The following SYCP2 variants were observed in gnomAD, a reference collection of about 807,000 sequenced individuals.
SYCP2 encodes synaptonemal complex lateral element protein.
Under a neutral mutation model 211.3 loss-of-function variants are expected in SYCP2, and 55 were observed. The observed-to-expected ratio is 0.26, with a 90% confidence interval of 0.21 to 0.33. The LOEUF is 0.33. SYCP2 is among the 10% of genes least tolerant of loss of function. The pLI is 1.00. For synonymous variants in SYCP2, 570 were observed against 555.2 expected (o/e 1.03, Z -0.37); for missense variants, 1,731 against 1,752.0 (o/e 0.99, Z 0.21).
intron 37 of SYCP2, 45 bp downstream of exon 37, chr20:59,868,790 C>A: frequency 6.8e-7 from 1 of 1,480,730 alleles, no homozygotes; most frequent in South Asian, 1.2e-5. Context: ...TGTCACGTAG[C>A]ATTTCAGTAA....
chr20:59,865,425 T>C lies in SYCP2; in HGVS notation c.4478A>G (p.Asp1493Gly), dbSNP rs1258531152. 6.2e-7 allele frequency: 1 copy of C among 1,610,160 alleles called. No individual in the cohort carries two copies. Among genetic ancestry groups the C allele is most frequent in the Non-Finnish European group, 8.5e-7 (1 of 1,178,172 alleles). ...AAGCCTGTCTTGCAGCACTTTCATATCTTCTTTCATCAAACACATCTGTAA... is the reference window on the plus strand; with the variant it reads ...AAGCCTGTCTTGCAGCACTTTCATACCTTCTTTCATCAAACACATCTGTAA... ...FTSEMCLMKE[D>G]MKVLQDRLLK... The change falls in exon 44 of 45, where the codon GAT (aspartate) becomes GGT (glycine). Residue 1493 changes from aspartate (D) to glycine (G), a missense_variant. By Grantham distance (94) the Asp-to-Gly change is moderately conservative (BLOSUM62 -1). Coordinates refer to ENST00000357552, the MANE Select transcript of SYCP2 (RefSeq NM_014258.4).
At chr20:59,866,713 A>C (rs1386043299) in intron 39 of SYCP2, 124 bp from the exon 40 acceptor site, 1 of 672,048 alleles carries the variant, frequency 1.5e-6, no homozygotes, top group Non-Finnish European at 2.4e-6. Context: ...AAAAGTGAAA[A>C]ATTAAAAACT....
At chr20:59,900,079 T>A (rs745384197) in intron 18 of SYCP2, 59 bp downstream of exon 18, 1 of 1,533,688 alleles carries the variant, frequency 6.5e-7, no homozygotes, top group Non-Finnish European at 9.0e-7. Flanking sequence ...AGTACTCATA[T>A]ATAACAGTGA....
intron 31 of SYCP2, among the ~76,000 whole-genome samples, chr20:59,878,398 T>C (rs1050881099): frequency 2.0e-5 from 3 of 152,178 alleles, no homozygotes; most frequent in African/African-American, 7.2e-5. Context: ...TTGATAACTT[T>C]TACTGTAAAG....
chr20:59,911,912 T>C (rs2060337222), intron 13 of SYCP2, 67 bp from the exon 14 acceptor site: 3 of 714,898 alleles, frequency 4.2e-6, no homozygotes, highest in Non-Finnish European at 6.6e-6. Flanking sequence ...ATTATGATGT[T>C]ATATTCATGG....
At position 59,866,406 on chromosome 20, in the gene SYCP2, A is replaced by G; in HGVS notation, c.4221-14T>C. 6.4e-7 allele frequency: 1 copy of G among 1,563,668 alleles called. No homozygotes were observed. The stretch of plus-strand genomic sequence containing the variant: ...AGTTTTTTAATCCTATTACAGAAAC[A>G]AAATGAGATTAATTTTAAAAACTGT... On this transcript the variant is annotated splice_polypyrimidine_tract_variant and intron_variant, in intron 40 of 44. Transcript: ENST00000357552.
intron 24 of SYCP2, among the ~76,000 whole-genome samples, chr20:59,890,557 AATAGGTAG>A (rs1158248772): frequency 6.6e-6 from 1 of 151,058 alleles, no homozygotes; most frequent in Non-Finnish European, 1.5e-5. Flanking sequence ...TAAATAAATA[AATAGGTAG>A]ATAGGTAGGT....
intron 7 of SYCP2, among the ~76,000 whole-genome samples, chr20:59,918,635 T>C (rs1356291365): frequency 6.6e-6 from 1 of 152,170 alleles, no homozygotes; most frequent in African/African-American, 2.4e-5. Context: ...TTTCAAGTGA[T>C]GAACACGCTC....
intron 14 of SYCP2, among the ~76,000 whole-genome samples, chr20:59,908,990 T>C (rs971838953): frequency 6.6e-6 from 1 of 152,228 alleles, no homozygotes; most frequent in Admixed American, 6.5e-5. Flanking sequence ...TAAGTGAAAC[T>C]GCTCTTTCAT....
At chr20:59,915,990 C>CA (rs1188042422) in intron 8 of SYCP2, among the ~76,000 whole-genome samples, 1 of 151,214 alleles carries the variant, frequency 6.6e-6, no homozygotes, top group Non-Finnish European at 1.5e-5. Flanking sequence ...AAGACTCTCT[C>CA]AAAAAAATAA....
chr20:59,898,136 G>T (rs1417491809), intron 18 of SYCP2, among the ~76,000 whole-genome samples: 1 of 151,942 alleles, frequency 6.6e-6, no homozygotes, highest in African/African-American at 2.4e-5. Context: ...TAAATAAAAA[G>T]AAAGAAAGTG....
intron 13 of SYCP2, 130 bp from the exon 14 acceptor site, chr20:59,911,975 T>C: frequency 2.2e-6 from 1 of 464,076 alleles, no homozygotes; most frequent in Non-Finnish European, 3.9e-6. Context: ...AACAGACAAG[T>C]ATAATATTTA....
chr20:59,926,393 C>T (rs1482806218), intron 2 of SYCP2, among the ~76,000 whole-genome samples: 2 of 151,926 alleles, frequency 1.3e-5, no homozygotes, highest in Non-Finnish European at 2.9e-5. Flanking sequence ...TGGTAGCTGC[C>T]GACATTCTTT....
At chr20:59,875,759 A>C (rs1011238270) in intron 33 of SYCP2, among the ~76,000 whole-genome samples, 18 of 152,122 alleles carry the variant, frequency 1.2e-4, no homozygotes, top group Non-Finnish European at 2.4e-4. Context: ...AAGCATTCCT[A>C]AATTTCATAG....
chr20:59,876,143 C>G lies in SYCP2; in HGVS notation c.3151-674G>C, dbSNP rs181861122. 6.9e-3 allele frequency among the ~76,000 whole-genome samples: 1,044 copies of G among 151,594 alleles called. 12 individuals are homozygous for G. The highest frequency in any genetic ancestry group is 0.024 in the African/African-American group (991 of 41,382). ...ATCCCAGCACTTTGGGAGGCCGAGGCGGGCAGATCATGAGGTCAAGAGATC... is the reference window on the plus strand; with the variant it reads ...ATCCCAGCACTTTGGGAGGCCGAGGGGGGCAGATCATGAGGTCAAGAGATC... On this transcript the variant is annotated intron_variant, in intron 33 of 44. Transcript: ENST00000357552.
In SYCP2 at chr20:59,900,635, G is replaced by C. The variant is rs558886635; in HGVS notation, c.1257+109C>G. On this transcript the variant is annotated intron_variant, in intron 17 of 44. Coordinates refer to ENST00000357552, the MANE Select transcript of SYCP2 (RefSeq NM_014258.4). The stretch of plus-strand genomic sequence containing the variant: ...TTTATTGGGGTACTGTTTATATTGA[G>C]ACCATTTGTTTTCTATATATTCACC... 6.7e-6 allele frequency: 5 copies of C among 749,524 alleles called. No individual in the cohort carries two copies. In the Admixed American group the frequency reaches 1.1e-4, roughly 16 times the overall value. The allele number at this position is 749,524 out of a possible 1,614,324, so 46.4% of individuals were successfully genotyped here. A position where few individuals can be genotyped will look rare whatever the true frequency, so the allele number is the denominator to read the frequency against.
chr20:59,888,795 T>C (rs1003086047), intron 24 of SYCP2, among the ~76,000 whole-genome samples: 11 of 152,040 alleles, frequency 7.2e-5, no homozygotes, highest in East Asian at 1.9e-4. Flanking sequence ...TGTAGCAAGA[T>C]TGCAAATTAC....
At chr20:59,876,913 C>T (rs981981678) in intron 33 of SYCP2, among the ~76,000 whole-genome samples, 4 of 151,954 alleles carry the variant, frequency 2.6e-5, no homozygotes, top group African/African-American at 9.7e-5. Context: ...GGTAGACTGC[C>T]AGACAAATAA....
intron 18 of SYCP2, among the ~76,000 whole-genome samples, chr20:59,899,833 C>T (rs939349181): frequency 6.6e-6 from 1 of 151,900 alleles, no homozygotes; most frequent in Non-Finnish European, 1.5e-5. Flanking sequence ...CATTTCTATT[C>T]TACATTATAG....
Sources: allele counts gnomAD v4.1 joint callset (sites outside exome capture counted in the v4.1 genomes callset), GRCh38; gene constraint gnomAD v4.1.1; transcripts MANE v1.5; gene names NCBI Gene and HGNC (gene_info 2026-07-23, HGNC 2026-07-21).